The following SUGP2 variants were observed in gnomAD, a reference collection of about 807,000 sequenced individuals.
The protein encoded by SUGP2 is SURP and G-patch domain containing 2.
Under a neutral mutation model 90.5 loss-of-function variants are expected in SUGP2, and 24 were observed. The ratio of observed to expected loss-of-function variants is 0.27; its 90% CI spans 0.19 to 0.37. The LOEUF (loss-of-function observed/expected upper bound fraction) is 0.37, where lower values mean the gene tolerates loss of function less well. Ranked by LOEUF, SUGP2 falls within the 10% of genes least tolerant of loss-of-function variation. The pLI is 1.00. For missense variants in SUGP2, 1,233 were observed against 1,363.3 expected (o/e 0.90, Z 1.51); for synonymous variants, 473 against 513.4 (o/e 0.92, Z 1.06).
rs910016611 is a variant in SUGP2 at position 18,992,759 on chromosome 19, T to C, written c.*982A>G. On this transcript the variant is annotated 3_prime_UTR_variant, in exon 11 of 11. Transcript: ENST00000452918. ...CCCTAATCCTGGGGTGTCAGAGGGA[T>C]CCTAAGTTTTCCAGATTTTTGCCCA... 1 of 152,154 alleles carries C rather than the reference T, an allele frequency of 6.6e-6. No homozygotes were observed. Among genetic ancestry groups the C allele is most frequent in the East Asian group, 1.9e-4 (1 of 5,188 alleles). The allele number at this position is 152,154 out of a possible 1,614,324, so 9.4% of individuals were successfully genotyped here.
intron 4 of SUGP2, among the ~76,000 whole-genome samples, chr19:19,011,428 G>C (rs2058308447): frequency 6.6e-6 from 1 of 152,056 alleles, no homozygotes; most frequent in Non-Finnish European, 1.5e-5. Context: ...GATTACAGGT[G>C]TGAGCCACTG....
chr19:19,028,914 T>A (rs1599580708), intron 2 of SUGP2, among the ~76,000 whole-genome samples: 1 of 152,220 alleles, frequency 6.6e-6, no homozygotes, highest in East Asian at 1.9e-4. Context: ...CTCAAACTCC[T>A]GACCTCAGGT....
In SUGP2 at chr19:19,025,172, A is replaced by G; in HGVS notation, c.1176T>C (p.Ala392=). Residue 392 remains alanine (A), a synonymous_variant, in exon 3 of 11, where the codon GCT becomes GCC. Coordinates refer to ENST00000452918, the MANE Select transcript of SUGP2 (RefSeq NM_001017392.5). The stretch of plus-strand genomic sequence containing the variant: ...CATTATCAACTCTGGGTGTTTTCAA[A>G]GCAGAGTGCTTTAAAAATTTGATAG... ...FFTIKFLKHS[A]LKTPRVDNEF... 1 of 1,612,508 alleles carries G rather than the reference A, an allele frequency of 6.2e-7. No homozygotes were observed. The highest frequency in any genetic ancestry group is 8.5e-7 in the Non-Finnish European group (1 of 1,179,810).
intron 2 of SUGP2, among the ~76,000 whole-genome samples, chr19:19,028,438 G>A (rs1265323789): frequency 6.6e-6 from 1 of 152,190 alleles, no homozygotes; most frequent in East Asian, 1.9e-4. Context: ...GGATGTTCCT[G>A]CAAGAAATCC....
intron 2 of SUGP2, among the ~76,000 whole-genome samples, chr19:19,030,038 G>A (rs932594997): frequency 2.0e-5 from 3 of 152,072 alleles, no homozygotes; most frequent in Non-Finnish European, 2.9e-5. Flanking sequence ...CTTGGGGCTG[G>A]GAGCAGTGGC....
chr19:19,008,266 TTG>T (rs1568407313), intron 6 of SUGP2, 49 bp downstream of exon 6: 11 of 1,438,378 alleles, frequency 7.6e-6, no homozygotes, highest in Non-Finnish European at 1.1e-5. Flanking sequence ...TCCTTAGACT[TTG>T]TCTCTCTGAG....
Position 18,995,126 on chromosome 19 carries a change from A to G in SUGP2, c.3128+18T>C. The G allele has an allele frequency of 1.1e-6, 1 of 948,268 alleles. No individual in the cohort carries two copies. Among genetic ancestry groups the G allele is most frequent in the Non-Finnish European group, 1.6e-6 (1 of 624,142 alleles). 58.7% of individuals were successfully genotyped at this position (948,268 alleles called of 1,614,324 possible). ...CTGAGGCCCCACCCACTCCCACCCC[A>G]GGCTGCCTGCTGCGTACACGCTGAC... On this transcript the variant is annotated intron_variant, in intron 9 of 10. Coordinates refer to ENST00000452918, the MANE Select transcript of SUGP2 (RefSeq NM_001017392.5).
chr19:18,995,615 A>C (rs1390901304), intron 8 of SUGP2, among the ~76,000 whole-genome samples: 1 of 152,170 alleles, frequency 6.6e-6, no homozygotes, highest in Non-Finnish European at 1.5e-5. Flanking sequence ...TGGATAAAGA[A>C]GGGTGGCCCT....
intron 4 of SUGP2, among the ~76,000 whole-genome samples, chr19:19,012,808 G>A (rs982015175): frequency 6.6e-6 from 1 of 151,952 alleles, no homozygotes; most frequent in Non-Finnish European, 1.5e-5. Flanking sequence ...AAACATTAAT[G>A]TCTCCTACCA....
intron 3 of SUGP2, among the ~76,000 whole-genome samples, chr19:19,024,087 A>G (rs1371097976): frequency 6.6e-6 from 1 of 152,078 alleles, no homozygotes; most frequent in East Asian, 1.9e-4. Flanking sequence ...ATTCCCAGAG[A>G]GGTATTTGAC....
intron 3 of SUGP2, 91 bp downstream of exon 3, chr19:19,024,528 A>G: frequency 1.4e-6 from 2 of 1,437,172 alleles, no homozygotes; most frequent in Non-Finnish European, 1.9e-6. Flanking sequence ...CCAATTGGCT[A>G]AAGAACTTCT....
At chr19:19,018,910 C>A (rs1285428169) in intron 4 of SUGP2, among the ~76,000 whole-genome samples, 199 bp downstream of exon 4, 1 of 152,170 alleles carries the variant, frequency 6.6e-6, no homozygotes, top group Non-Finnish European at 1.5e-5. Context: ...GCCACCCACC[C>A]AGCTGGCCTA....
At chr19:19,031,366 T>G (rs1002760902) in intron 1 of SUGP2, among the ~76,000 whole-genome samples, 1 of 152,022 alleles carries the variant, frequency 6.6e-6, no homozygotes, top group African/African-American at 2.4e-5. Context: ...AAACCCTGTC[T>G]CTACTAAAAA....
intron 2 of SUGP2, among the ~76,000 whole-genome samples, chr19:19,029,683 T>C (rs1253969927): frequency 6.6e-6 from 1 of 150,434 alleles, no homozygotes; most frequent in Non-Finnish European, 1.5e-5. Context: ...GACCTTGTGA[T>C]CCTCCCAGCA....
intron 2 of SUGP2, among the ~76,000 whole-genome samples, chr19:19,029,499 C>T (rs1201704285): frequency 1.3e-5 from 2 of 150,268 alleles, no homozygotes; most frequent in Non-Finnish European, 3.0e-5. Flanking sequence ...AGTGCAGTAG[C>T]GCAATCTTGG....
At chr19:18,995,106 G>GCCCC in intron 9 of SUGP2, 38 bp downstream of exon 9, 1 of 1,584,880 alleles carries the variant, frequency 6.3e-7, no homozygotes, top group Non-Finnish European at 8.6e-7. Flanking sequence ...AAGGACTGAG[G>GCCCC]CCCCACCCAC....
chr19:19,026,180 G>A lies in SUGP2; in HGVS notation c.168C>T (p.Asp56=), dbSNP rs1048664558. The change falls in exon 3 of 11, where the codon GAC becomes GAT. Residue 56 remains aspartate (D), a synonymous_variant. Transcript: ENST00000452918. The part of the protein sequence containing the change: ...VPRSRAEMYD[D]VHSDGRYSLS... ...GGGAGTATCTGCCATCGCTGTGGACGTCATCATACATCTCTGCTCTGGATC... is the reference window on the plus strand; with the variant it reads ...GGGAGTATCTGCCATCGCTGTGGACATCATCATACATCTCTGCTCTGGATC... The A allele has an allele frequency of 1.2e-5, 20 of 1,611,806 alleles. 1 individual carries two copies. Among genetic ancestry groups the A allele is most frequent in the Middle Eastern group, 1.6e-4 (1 of 6,076 alleles).
At chr19:19,016,675 G>C (rs544998394) in intron 4 of SUGP2, among the ~76,000 whole-genome samples, 11 of 152,274 alleles carry the variant, frequency 7.2e-5, no homozygotes, top group African/African-American at 2.2e-4. Flanking sequence ...CAAGGCAAGA[G>C]GGCTCTTGGA....
rs1042823116 is a variant in SUGP2, at chr19:19,013,383, C to T, written c.1851-3041G>A. ...AGCGTTCACCTGCTATGCAATTTCC[C>T]ATCTCTGTGTTTTCCAATTCCTGTG... On this transcript the variant is annotated intron_variant, in intron 4 of 10. Coordinates refer to ENST00000452918, the MANE Select transcript of SUGP2 (RefSeq NM_001017392.5). 3.3e-5 allele frequency among the ~76,000 whole-genome samples: 5 copies of T among 152,124 alleles called. No homozygotes were observed. The East Asian group carries it at 5.8e-4, about 18-fold the overall frequency.
Sources: allele counts gnomAD v4.1 joint callset (sites outside exome capture counted in the v4.1 genomes callset), GRCh38; gene constraint gnomAD v4.1.1; transcripts MANE v1.5; gene names NCBI Gene and HGNC (gene_info 2026-07-23, HGNC 2026-07-21).